The following IL1R1 variants were observed in gnomAD, a reference collection of about 807,000 sequenced individuals.
The protein encoded by IL1R1 is interleukin 1 receptor type 1, also known as interleukin-1 receptor type 1.
Under a neutral mutation model 50.2 loss-of-function variants are expected in IL1R1, and 22 were observed. The observed-to-expected ratio is 0.44, with a 90% confidence interval of 0.31 to 0.63. The LOEUF is 0.63. Among genes scored for constraint, IL1R1 ranks in the 20% least tolerant of loss-of-function variants. The probability of loss-of-function intolerance (pLI) is 0.07; values close to 1 mark genes in which losing one functional copy is unlikely to be tolerated. For synonymous variants in IL1R1, 251 were observed against 236.7 expected (o/e 1.06, Z -0.55); for missense variants, 509 against 676.2 (o/e 0.75, Z 2.74).
At chr2:102,144,986 G>A (rs1682992975) in intron 1 of IL1R1, among the ~76,000 whole-genome samples, 1 of 152,232 alleles carries the variant, frequency 6.6e-6, no homozygotes, top group Non-Finnish European at 1.5e-5. Flanking sequence ...ATGCATCAGT[G>A]CGAGCTGAGT....
rs1685041946 is a variant in IL1R1 at position 102,164,940 on chromosome 2, A to G, written c.228A>G (p.Gln76=). Residue 76 remains glutamine (Q), a synonymous_variant, in exon 4 of 12, where the codon CAA becomes CAG. Coordinates refer to ENST00000410023, the MANE Select transcript of IL1R1 (RefSeq NM_000877.4). ...CAGAACAAGCCTCCAGGATTCATCA[A>G]CACAAAGAGAAACTTTGGTTTGTTC... ...VSTEQASRIH[Q]HKEKLWFVPA... 6.2e-7 allele frequency: 1 copy of G among 1,614,174 alleles called. No homozygotes were observed. The highest frequency in any genetic ancestry group is 8.5e-7 in the Non-Finnish European group (1 of 1,180,000).
At position 102,164,859 on chromosome 2, in the gene IL1R1, T is replaced by C. The variant is rs1685035918; in HGVS notation, c.147T>C (p.Asn49=). Residue 49 remains asparagine (N), a synonymous_variant, in exon 4 of 12, where the codon AAT becomes AAC. Coordinates refer to ENST00000410023, the MANE Select transcript of IL1R1 (RefSeq NM_000877.4). ...IDVRPCPLNP[N]EHKGTITWYK... ...TTCGTCCCTGTCCTCTTAACCCAAA[T>C]GAACACAAAGGCACTATAACTTGGT... The C allele has an allele frequency of 6.2e-7, 1 of 1,613,912 alleles. No individual in the cohort carries two copies. Among genetic ancestry groups the C allele is most frequent in the Admixed American group, 1.7e-5 (1 of 59,992 alleles).
intron 11 of IL1R1, chr2:102,176,051 GCTC>G: frequency 2.2e-6 from 1 of 451,808 alleles, no homozygotes; most frequent in Non-Finnish European, 3.9e-6. Context: ...GTTTGCAGTG[GCTC>G]ATGCCTTTTA....
At chr2:102,103,098 C>T (rs1431063853), upstream of IL1R1, among the ~76,000 whole-genome samples, 1 of 152,110 alleles carries the variant, frequency 6.6e-6, no homozygotes, top group Admixed American at 6.5e-5. Context: ...CGCCTGAATA[C>T]ACAATTTGCC....
intron 1 of IL1R1, among the ~76,000 whole-genome samples, chr2:102,118,296 A>T (rs1681206216): frequency 6.6e-6 from 1 of 152,096 alleles, no homozygotes; most frequent in Non-Finnish European, 1.5e-5. Flanking sequence ...AGGGTAGCCC[A>T]CCCGGAGAGG....
chr2:102,078,373 A>G (rs551488225), intron 1 of IL1R1, among the ~76,000 whole-genome samples: 1 of 152,220 alleles, frequency 6.6e-6, no homozygotes, highest in South Asian at 2.1e-4. Context: ...GGAATTAAAG[A>G]GGGGACCTTA....
intron 3 of IL1R1, among the ~76,000 whole-genome samples, chr2:102,163,560 T>A (rs3917276): frequency 2.3e-4 from 35 of 152,342 alleles, no homozygotes; most frequent in Admixed American, 7.8e-4. Flanking sequence ...AAAAGTTTTT[T>A]AAAATCTCTT....
intron 1 of IL1R1, among the ~76,000 whole-genome samples, chr2:102,134,411 CTTG>C (rs1306680886): frequency 1.3e-5 from 2 of 150,822 alleles, no homozygotes; most frequent in African/African-American, 4.9e-5. Flanking sequence ...GAATTTCGCT[CTTG>C]TTGACCAGGC....
At chr2:102,153,672 T>C (rs753168201) in intron 1 of IL1R1, among the ~76,000 whole-genome samples, 1 of 152,182 alleles carries the variant, frequency 6.6e-6, no homozygotes, top group Non-Finnish European at 1.5e-5. Context: ...TAAAAGTGTT[T>C]GGCACTTCCC....
chr2:102,142,021 G>C (rs1436175042), upstream of IL1R1: 1 of 152,080 alleles, frequency 6.6e-6, no homozygotes, highest in Admixed American at 6.6e-5. Flanking sequence ...GGCATAAGTG[G>C]GTTTTAAGTT....
chr2:102,134,413 T>C (rs1238035532), intron 1 of IL1R1, among the ~76,000 whole-genome samples: 1 of 151,948 alleles, frequency 6.6e-6, no homozygotes, highest in African/African-American at 2.4e-5. Context: ...ATTTCGCTCT[T>C]GTTGACCAGG....
In IL1R1 at chr2:102,165,124, T is replaced by C; in HGVS notation, c.306T>C (p.Ser102=). ...GHYYCVVRNS[S]YCLRIKISAK... is the part of the protein sequence containing the mutation. ...TTTTATTTTATTTTAGAAATTCATC[T>C]TACTGCCTCAGAATTAAAATAAGTG... Residue 102 remains serine (S), a synonymous_variant, in exon 5 of 12, where the codon TCT becomes TCC. Coordinates refer to ENST00000410023, the MANE Select transcript of IL1R1 (RefSeq NM_000877.4). The C allele has an allele frequency of 6.4e-7, 1 of 1,570,312 alleles. No individual in the cohort carries two copies. Among genetic ancestry groups the C allele is most frequent in the Non-Finnish European group, 8.6e-7 (1 of 1,161,932 alleles).
chr2:102,169,555 T>C (rs565774746), intron 7 of IL1R1, among the ~76,000 whole-genome samples: 66 of 152,336 alleles, frequency 4.3e-4, no homozygotes, highest in African/African-American at 1.6e-3. Flanking sequence ...AGTGGTTCTT[T>C]GTGTCAGAGG....
At chr2:102,157,806 T>C (rs199812374) in intron 3 of IL1R1, 21 bp downstream of exon 3, 11 of 1,490,876 alleles carry the variant, frequency 7.4e-6, no homozygotes, top group Non-Finnish European at 1.0e-5. Flanking sequence ...TATTTCTTTG[T>C]GTTCTTGTCT....
At chr2:102,124,991 A>C (rs1297125800) in intron 1 of IL1R1, among the ~76,000 whole-genome samples, 1 of 152,148 alleles carries the variant, frequency 6.6e-6, no homozygotes, top group Non-Finnish European at 1.5e-5. Flanking sequence ...CACCGCCATA[A>C]TCCAATCACC....
At chr2:102,144,617 G>T in intron 1 of IL1R1, among the ~76,000 whole-genome samples, 2 of 152,226 alleles carry the variant, frequency 1.3e-5, no homozygotes, top group Non-Finnish European at 1.5e-5. Flanking sequence ...GGGAGACAGC[G>T]GTGAATACGA....
chr2:102,155,766 G>C (rs2104518902), intron 2 of IL1R1, among the ~76,000 whole-genome samples: 1 of 152,328 alleles, frequency 6.6e-6, no homozygotes, highest in South Asian at 2.1e-4. Context: ...TATTAGAGGA[G>C]GATGAGGTCT....
At chr2:102,170,815 C>G (rs1434314048) in intron 7 of IL1R1, among the ~76,000 whole-genome samples, 2 of 152,226 alleles carry the variant, frequency 1.3e-5, no homozygotes, top group Non-Finnish European at 2.9e-5. Context: ...AATTCCAGCA[C>G]TTTGGTAGGC....
At chr2:102,144,443 A>G (rs188074884) in intron 1 of IL1R1, among the ~76,000 whole-genome samples, 1 of 152,226 alleles carries the variant, frequency 6.6e-6, no homozygotes, top group East Asian at 1.9e-4. Context: ...CCCTGCTTGT[A>G]TGTCATAATG....
Sources: gnomAD v4.1 joint callset for allele counts (sites outside exome capture counted in the v4.1 genomes callset) on GRCh38, gnomAD v4.1.1 for gene constraint, MANE v1.5 for transcripts, NCBI Gene and HGNC (gene_info 2026-07-23, HGNC 2026-07-21) for gene names.